FHIT: variants seen among roughly 807,000 people sequenced by gnomAD.
The protein encoded by FHIT is bis(5'-adenosyl)-triphosphatase.
In FHIT, 19 loss-of-function variants were observed where a neutral mutation model predicts 17.9. That is an observed-to-expected ratio of 1.06 (90% CI 0.74 to 1.56). The LOEUF (loss-of-function observed/expected upper bound fraction) is 1.56. Among genes scored for constraint, FHIT ranks in the 40% most tolerant of loss-of-function variants. The pLI, the probability that FHIT is intolerant of heterozygous loss-of-function variation, is 0.00. For synonymous variants in FHIT, 81 were observed against 69.7 expected (o/e 1.16, Z -0.81); for missense variants, 248 against 189.2 (o/e 1.31, Z -1.82).
chr3:59,957,261 G>T (rs1202706634), intron 7 of FHIT, among the ~76,000 whole-genome samples: 1 of 152,204 alleles, frequency 6.6e-6, no homozygotes, highest in East Asian at 1.9e-4. Flanking sequence ...TAAGAAGAGA[G>T]GGAATTTGGA....
At chr3:60,569,901 A>C (rs770628294) in intron 4 of FHIT, among the ~76,000 whole-genome samples, 1 of 151,464 alleles carries the variant, frequency 6.6e-6, no homozygotes, top group Non-Finnish European at 1.5e-5. Flanking sequence ...TGTAATTCAC[A>C]TATCATACAA....
chr3:61,226,838 AAT>A (rs1221790843), intron 1 of FHIT, among the ~76,000 whole-genome samples: 2 of 152,330 alleles, frequency 1.3e-5, no homozygotes, highest in African/African-American at 4.8e-5. Flanking sequence ...TTAGTCAAGA[AAT>A]GTTTAGTAAG....
rs1700675821 is a variant in FHIT, at chr3:59,747,560, C to T, written c.*2025G>A. On this transcript the variant is annotated 3_prime_UTR_variant, in exon 10 of 10. Transcript: ENST00000492590. ...GCCAAATCGTATAACTAGGTATGTC[C>T]ACCCCAAACATTAAGTCAAGAACAT... 6.6e-6 allele frequency among the ~76,000 whole-genome samples: 1 copy of T among 152,140 alleles called. No homozygotes were observed. The highest frequency in any genetic ancestry group is 2.1e-4 in the South Asian group (1 of 4,818).
chr3:59,883,726 T>G (rs1252306465), intron 8 of FHIT, among the ~76,000 whole-genome samples: 1 of 152,224 alleles, frequency 6.6e-6, no homozygotes, highest in Non-Finnish European at 1.5e-5. Flanking sequence ...GACATCAGGT[T>G]TGTAGCTTCA....
In FHIT at chr3:60,861,904, C is replaced by T. The variant is rs371079125; in HGVS notation, c.-110-39893G>A. Among the ~76,000 whole-genome samples the T allele has an allele frequency of 2.8e-4, 41 of 147,286 alleles. No homozygotes were observed. The East Asian group carries it at 3.8e-3, about 14-fold the overall frequency. On this transcript the variant is annotated intron_variant, in intron 3 of 9. Coordinates refer to ENST00000492590, the MANE Select transcript of FHIT (RefSeq NM_002012.4). ...GGTGGAGCTTGCAGTGAGCTGAGAT[C>T]GCGCCACTGCACTGGGCAACAGACC...
intron 7 of FHIT, among the ~76,000 whole-genome samples, chr3:59,976,665 T>A (rs929773998): frequency 6.6e-6 from 1 of 152,082 alleles, no homozygotes; most frequent in Non-Finnish European, 1.5e-5. Flanking sequence ...ATGCTTGAAA[T>A]CTACCTAAAT....
chr3:60,985,215 C>T (rs921247334), intron 3 of FHIT, among the ~76,000 whole-genome samples: 4 of 152,088 alleles, frequency 2.6e-5, no homozygotes, highest in Non-Finnish European at 5.9e-5. Context: ...ATCATTTTTG[C>T]CATTTTGAAT....
At chr3:60,169,633 T>C (rs541008806) in intron 5 of FHIT, among the ~76,000 whole-genome samples, 1 of 152,290 alleles carries the variant, frequency 6.6e-6, no homozygotes, top group African/African-American at 2.4e-5. Flanking sequence ...CCTGAGTATA[T>C]TTTGGGAAAG....
chr3:60,628,903 G>C (rs569839976), intron 4 of FHIT, among the ~76,000 whole-genome samples: 2 of 152,084 alleles, frequency 1.3e-5, no homozygotes, highest in African/African-American at 4.8e-5. Flanking sequence ...TCTGAGTAGG[G>C]GACTTGTTGG....
chr3:59,905,049 T>A (rs902739151), intron 8 of FHIT, among the ~76,000 whole-genome samples: 4 of 152,230 alleles, frequency 2.6e-5, no homozygotes, highest in African/African-American at 9.6e-5. Context: ...GGATTTAACT[T>A]GTAGCTTGGC....
chr3:60,095,921 G>A (rs1703928028), intron 5 of FHIT, among the ~76,000 whole-genome samples: 1 of 152,126 alleles, frequency 6.6e-6, no homozygotes. Context: ...TTCCCATCCT[G>A]GGCTGTGTAT....
chr3:60,371,290 T>C (rs890845802), intron 5 of FHIT, among the ~76,000 whole-genome samples: 4 of 152,200 alleles, frequency 2.6e-5, no homozygotes, highest in African/African-American at 4.8e-5. Context: ...GTAAATGTAA[T>C]TGGGATATCC....
In FHIT at chr3:60,498,912, G is replaced by A. The variant is rs529946677; in HGVS notation, c.103+37948C>T. On this transcript the variant is annotated intron_variant, in intron 5 of 9. Transcript: ENST00000492590. The stretch of plus-strand genomic sequence containing the variant: ...AGGGTATTGTTAATTGGTTGTTGCT[G>A]TAAAATGTTTTGTGAATAACAAAAT... 5.3e-5 allele frequency among the ~76,000 whole-genome samples: 8 copies of A among 152,282 alleles called. No homozygotes were observed. In the South Asian group the frequency reaches 8.3e-4, roughly 16 times the overall value.
chr3:60,349,057 T>C (rs981572599), intron 5 of FHIT, among the ~76,000 whole-genome samples: 1 of 152,222 alleles, frequency 6.6e-6, no homozygotes, highest in African/African-American at 2.4e-5. Context: ...CAGATTCACA[T>C]ATAAGCTTTG....
intron 7 of FHIT, among the ~76,000 whole-genome samples, chr3:59,945,387 T>C (rs1219394981): frequency 6.6e-6 from 1 of 152,164 alleles, no homozygotes; most frequent in Non-Finnish European, 1.5e-5. Flanking sequence ...GCTTGTTAAT[T>C]TATTTAAATT....
chr3:59,866,451 G>A (rs1702654076), intron 8 of FHIT, among the ~76,000 whole-genome samples: 1 of 152,176 alleles, frequency 6.6e-6, no homozygotes, highest in African/African-American at 2.4e-5. Context: ...GTAGTGGTTG[G>A]AAGCCAATGG....
intron 5 of FHIT, among the ~76,000 whole-genome samples, chr3:60,394,716 T>C (rs554882465): frequency 3.6e-4 from 55 of 152,298 alleles, no homozygotes; most frequent in African/African-American, 7.5e-4. Context: ...ATACATATTA[T>C]ATATGTTTAG....
At chr3:61,008,859 T>A (rs925293632) in intron 3 of FHIT, among the ~76,000 whole-genome samples, 1 of 152,296 alleles carries the variant, frequency 6.6e-6, no homozygotes, top group Middle Eastern at 3.4e-3. Flanking sequence ...CTATGGGCAC[T>A]TAGCACATGT....
chr3:60,382,698 C>T (rs1284591429), intron 5 of FHIT, among the ~76,000 whole-genome samples: 1 of 152,070 alleles, frequency 6.6e-6, no homozygotes, highest in Non-Finnish European at 1.5e-5. Flanking sequence ...GGTTTTTTTA[C>T]CCCCACTTAG....
Sources: gnomAD v4.1 joint callset for allele counts (sites outside exome capture counted in the v4.1 genomes callset) on GRCh38, gnomAD v4.1.1 for gene constraint, MANE v1.5 for transcripts, NCBI Gene and HGNC (gene_info 2026-07-23, HGNC 2026-07-21) for gene names.